Variants in SORCS2 observed in about 807,000 individuals in gnomAD.
The protein encoded by SORCS2 is VPS10 domain-containing receptor SorCS2.
Under a neutral mutation model 141.6 loss-of-function variants are expected in SORCS2, and 100 were observed. That is an observed-to-expected ratio of 0.71 (90% CI 0.60 to 0.83). The LOEUF is 0.83. Among genes scored for constraint, SORCS2 ranks in the 40% least tolerant of loss-of-function variants. SORCS2 has a pLI of 0.00. For missense variants in SORCS2, 1,646 were observed against 1,560.2 expected, an observed-to-expected ratio of 1.05 and a Z score of -0.93; for synonymous variants, 789 against 676.9, an observed-to-expected ratio of 1.17 and a Z score of -2.57.
intron 2 of SORCS2, among the ~76,000 whole-genome samples, chr4:7,441,102 C>G (rs1343242890): frequency 6.6e-6 from 1 of 152,060 alleles, no homozygotes; most frequent in Non-Finnish European, 1.5e-5. Context: ...GATAGCACCC[C>G]AAGAGGGGGA....
At chr4:7,329,693 T>C (rs968307015) in intron 1 of SORCS2, among the ~76,000 whole-genome samples, 1 of 152,202 alleles carries the variant, frequency 6.6e-6, no homozygotes, top group African/African-American at 2.4e-5. Flanking sequence ...ACAGCACAAA[T>C]GTACAGACAG....
chr4:7,427,971 C>G (rs1310565791), intron 2 of SORCS2, among the ~76,000 whole-genome samples: 1 of 152,096 alleles, frequency 6.6e-6, no homozygotes, highest in African/African-American at 2.4e-5. Flanking sequence ...GGTTGCACTG[C>G]AGCCAGAGGG....
chr4:7,590,813 G>A (rs1716867749), intron 3 of SORCS2, among the ~76,000 whole-genome samples: 1 of 152,216 alleles, frequency 6.6e-6, no homozygotes, highest in Non-Finnish European at 1.5e-5. Flanking sequence ...TGAGACTTCT[G>A]GCCTCCAGAA....
intron 3 of SORCS2, among the ~76,000 whole-genome samples, chr4:7,619,872 C>G (rs1006102892): frequency 6.6e-6 from 1 of 152,154 alleles, no homozygotes; most frequent in African/African-American, 2.4e-5. Context: ...ACGTGAAACG[C>G]CAGGATGTTG....
intron 3 of SORCS2, among the ~76,000 whole-genome samples, chr4:7,591,365 A>G (rs1409663696): frequency 6.6e-6 from 1 of 152,174 alleles, no homozygotes; most frequent in African/African-American, 2.4e-5. Context: ...GGGCTGGATT[A>G]GGGCCAGAGC....
At chr4:7,560,239 G>A (rs1333129492) in intron 3 of SORCS2, among the ~76,000 whole-genome samples, 2 of 152,134 alleles carry the variant, frequency 1.3e-5, no homozygotes, top group South Asian at 2.1e-4. Context: ...GCAGACTCTC[G>A]GGATTTGACA....
chr4:7,597,183 C>A (rs1406387789), intron 3 of SORCS2, among the ~76,000 whole-genome samples: 1 of 145,648 alleles, frequency 6.9e-6, no homozygotes, highest in Non-Finnish European at 1.5e-5. Context: ...AGGGGAGGGG[C>A]TATTACAATG....
chr4:7,644,893 C>A (rs1260083041), intron 4 of SORCS2, among the ~76,000 whole-genome samples: 4 of 152,158 alleles, frequency 2.6e-5, no homozygotes, highest in African/African-American at 9.7e-5. Flanking sequence ...TGGGCTGTCC[C>A]GGATGTGTTT....
At chr4:7,247,227 A>T (rs1713156756) in intron 1 of SORCS2, among the ~76,000 whole-genome samples, 1 of 152,182 alleles carries the variant, frequency 6.6e-6, no homozygotes, top group South Asian at 2.1e-4. Context: ...GGAAGGCTTC[A>T]ACCACCCATG....
At chr4:7,716,103 A>G (rs1269305126) in intron 17 of SORCS2, among the ~76,000 whole-genome samples, 1 of 152,264 alleles carries the variant, frequency 6.6e-6, no homozygotes. Flanking sequence ...GGTACATAAA[A>G]GCTGTGAGCC....
chr4:7,427,845 C>G (rs1007100361), intron 2 of SORCS2, among the ~76,000 whole-genome samples: 4 of 113,458 alleles, frequency 3.5e-5, no homozygotes, highest in African/African-American at 1.1e-4. Context: ...ACACCACCGC[C>G]CCCCCGCCCC....
At chr4:7,604,938 G>A (rs1717968255) in intron 3 of SORCS2, among the ~76,000 whole-genome samples, 1 of 152,188 alleles carries the variant, frequency 6.6e-6, no homozygotes, top group Non-Finnish European at 1.5e-5. Context: ...ACCCCATGCA[G>A]ATGTCAAAAG....
At chr4:7,401,019 A>G (rs62644740) in intron 2 of SORCS2, among the ~76,000 whole-genome samples, 22,269 of 152,104 alleles carry the variant, frequency 0.15, 1,771 homozygotes, top group Non-Finnish European at 0.18. Context: ...AGATGAATTG[A>G]TGGACAGGTG....
intron 1 of SORCS2, among the ~76,000 whole-genome samples, chr4:7,223,097 A>C (rs1728804822): frequency 6.6e-6 from 1 of 152,124 alleles, no homozygotes. Flanking sequence ...CCAACTGAGC[A>C]ACAAAAAAAC....
At chr4:7,624,898 A>G (rs1397730238) in intron 3 of SORCS2, among the ~76,000 whole-genome samples, 3 of 152,270 alleles carry the variant, frequency 2.0e-5, no homozygotes, top group Non-Finnish European at 4.4e-5. Flanking sequence ...TGAGATCATC[A>G]GTGATCATGG....
intron 1 of SORCS2, among the ~76,000 whole-genome samples, chr4:7,376,353 G>C (rs759775046): frequency 9.2e-5 from 14 of 152,124 alleles, no homozygotes; most frequent in Non-Finnish European, 1.9e-4. Flanking sequence ...AAGGCTGGTG[G>C]ATCATTTGAG....
chr4:7,650,055 T>C (rs1162386206), intron 4 of SORCS2, among the ~76,000 whole-genome samples: 1 of 152,192 alleles, frequency 6.6e-6, no homozygotes, highest in Non-Finnish European at 1.5e-5. Context: ...CCTTCCTTCC[T>C]TCCTGGGCCA....
chr4:7,460,986 C>T (rs1000445669), intron 2 of SORCS2, among the ~76,000 whole-genome samples: 9 of 152,116 alleles, frequency 5.9e-5, no homozygotes, highest in East Asian at 3.9e-4. Flanking sequence ...CCATCATCCT[C>T]GTGCTGCTCC....
At chr4:7,403,998 T>TATATATATGTA (rs59841056) in intron 2 of SORCS2, among the ~76,000 whole-genome samples, 2 of 12,412 alleles carry the variant, frequency 1.6e-4, no homozygotes, top group East Asian at 5.1e-3. Context: ...TATATATATA[T>TATATATATGTA]TTTTTTTTTT....
Sources: gnomAD v4.1 joint callset for allele counts (sites outside exome capture counted in the v4.1 genomes callset) on GRCh38, gnomAD v4.1.1 for gene constraint, MANE v1.5 for transcripts, NCBI Gene and HGNC (gene_info 2026-07-23, HGNC 2026-07-21) for gene names.